Variants in GTPBP6 observed in about 807,000 individuals in gnomAD.
GTPBP6 encodes the protein GTP binding protein 6, also known as putative GTP-binding protein 6.
In GTPBP6, 33 loss-of-function variants were observed where a neutral mutation model predicts 28.9. The observed-to-expected ratio is 1.14, with a 90% CI of 0.87 to 1.53. The LOEUF is 1.53. Ranked by LOEUF, GTPBP6 falls within the 40% of genes most tolerant of loss-of-function variation. The probability of loss-of-function intolerance (pLI) is 0.00; values close to 1 mark genes in which losing one functional copy is unlikely to be tolerated. For synonymous variants in GTPBP6, 231 were observed against 192.7 expected (o/e 1.20, Z -1.65); for missense variants, 507 against 408.3 (o/e 1.24, Z -2.08).
chrX:307,338 C>T (rs774165043), intron 9 of GTPBP6, 22 bp downstream of exon 9: 2 of 1,609,936 alleles, frequency 1.2e-6, no homozygotes, highest in Non-Finnish European at 8.5e-7. Flanking sequence ...CATCCCGTCT[C>T]CTGCCCCTGC....
chrX:313,586 G>T (rs757889446), intron 5 of GTPBP6, among the ~76,000 whole-genome samples: 17 of 152,312 alleles, frequency 1.1e-4, no homozygotes, highest in African/African-American at 4.1e-4. Flanking sequence ...TAAGGTGTTT[G>T]TCATAACTGA....
At chrX:311,918 T>C in intron 6 of GTPBP6, 2 of 592,658 alleles carry the variant, frequency 3.4e-6, no homozygotes, top group East Asian at 2.8e-5. Flanking sequence ...TCTGTGTAGA[T>C]TTGGCAATGG....
rs141438343 is a variant in GTPBP6, at chrX:308,312, C to T, written c.1126-432G>A. Reference sequence around the variant, plus strand: ...AAATCTTACAGGCAGGCTCCTTACACAAAATTTGAAAAACACAGGGAAAAA... The same window carrying T: ...AAATCTTACAGGCAGGCTCCTTACATAAAATTTGAAAAACACAGGGAAAAA... On this transcript the variant is annotated intron_variant, in intron 7 of 9. Transcript: ENST00000326153. 6.9e-3 allele frequency among the ~76,000 whole-genome samples: 1,046 copies of T among 151,180 alleles called. 18 individuals carry two copies. The highest frequency in any genetic ancestry group is 0.024 in the African/African-American group (977 of 40,674).
chrX:318,699 G>A, exon 1 of GTPBP6: 2 of 379,984 alleles, frequency 5.3e-6, no homozygotes, highest in Non-Finnish European at 4.7e-6. Context: ...CGCGGGGCAG[G>A]ACGGCGCGGC....
In GTPBP6 at chrX:305,120, A is replaced by C. The variant is rs750286453; in HGVS notation, c.1505T>G (p.Ile502Ser). The stretch of plus-strand genomic sequence containing the variant: ...GAATTTGCCGTAGGCTGAGTTGCTG[A>C]TGATGACCCTCACGTCGGCCGCCCC... Residue 502 changes from isoleucine to serine, a missense_variant, in exon 10 of 10, where the codon ATC (isoleucine) becomes AGC (serine). By Grantham distance (142) the Ile-to-Ser change is moderately radical. Coordinates refer to ENST00000326153, the Ensembl canonical transcript of GTPBP6. The C allele has an allele frequency of 2.5e-6, 4 of 1,613,408 alleles. No individual in the cohort carries two copies. In the African/African-American group the frequency reaches 5.3e-5, roughly 22 times the overall value.
intron 1 of GTPBP6, among the ~76,000 whole-genome samples, chrX:317,696 A>ACCCCACCCCAC (rs2070463940): frequency 1.6e-4 from 1 of 6,400 alleles, no homozygotes; most frequent in African/African-American, 7.0e-4. Flanking sequence ...GGCCCACCCA[A>ACCCCACCCCAC]CCCCACCCCA....
intron 7 of GTPBP6, among the ~76,000 whole-genome samples, 169 bp downstream of exon 7, chrX:311,250 C>T (rs746700441): frequency 0.031 from 3,113 of 100,020 alleles, 276 homozygotes; most frequent in African/African-American, 0.11. Flanking sequence ...TCCCCGTGCC[C>T]AGTGGGTGTC....
At position 305,213 on chromosome X, in the gene GTPBP6, C is replaced by T. The variant is rs776654542; in HGVS notation, c.1428-16G>A. On this transcript the variant is annotated splice_polypyrimidine_tract_variant and intron_variant, in intron 9 of 9. Coordinates refer to ENST00000326153, the Ensembl canonical transcript of GTPBP6. ...ATACAGCCAGCTGGGCACAGATGCGCGTTGTATGGAGACAAGCAGAACCCG... is the reference window on the plus strand; with the variant it reads ...ATACAGCCAGCTGGGCACAGATGCGTGTTGTATGGAGACAAGCAGAACCCG... The T allele has an allele frequency of 9.4e-6, 15 of 1,597,054 alleles. No individual in the cohort carries two copies. The highest frequency in any genetic ancestry group is 5.4e-5 in the African/African-American group (4 of 74,484).
chrX:305,283 G>A (rs2070132652), intron 9 of GTPBP6, 86 bp from the exon 10 acceptor site: 3 of 1,071,162 alleles, frequency 2.8e-6, no homozygotes, highest in Non-Finnish European at 4.3e-6. Context: ...GCTAAAAAGA[G>A]CTTAGCTCAA....
At chrX:305,636 T>A (rs2070145550) in intron 9 of GTPBP6, among the ~76,000 whole-genome samples, 1 of 148,380 alleles carries the variant, frequency 6.7e-6, no homozygotes, top group East Asian at 2.0e-4. Flanking sequence ...TTTTTTATTT[T>A]TTTTTTTGAG....
At chrX:304,796 C>T in exon 10 of GTPBP6, 1 of 1,349,834 alleles carries the variant, frequency 7.4e-7, no homozygotes. Context: ...CGGAAACATT[C>T]CGAGGGAAAG....
At chrX:317,150 C>T (rs1330463648) in intron 1 of GTPBP6, 99 bp from the exon 2 acceptor site, 66 of 398,338 alleles carry the variant, frequency 1.7e-4, no homozygotes, top group African/African-American at 1.3e-3. Context: ...GACAATCTCC[C>T]CGGAGAAGGC....
intron 7 of GTPBP6, among the ~76,000 whole-genome samples, chrX:311,084 G>T (rs1275062529): frequency 6.6e-6 from 1 of 151,962 alleles, no homozygotes; most frequent in Non-Finnish European, 1.5e-5. Context: ...CTGAGTGTCG[G>T]TGAGGCTGGG....
intron 7 of GTPBP6, among the ~76,000 whole-genome samples, chrX:310,790 C>T (rs1355473173): frequency 1.3e-5 from 2 of 152,058 alleles, no homozygotes; most frequent in African/African-American, 4.8e-5. Context: ...GAGCTGGTTC[C>T]TGTGGTTTCT....
chrX:316,055 G>C (rs1195785347), intron 2 of GTPBP6, among the ~76,000 whole-genome samples: 6 of 17,714 alleles, frequency 3.4e-4, no homozygotes, highest in Non-Finnish European at 4.1e-4. Flanking sequence ...CACACACACA[G>C]ACACATACAC....
At chrX:308,689 A>G (rs2070223197) in intron 7 of GTPBP6, among the ~76,000 whole-genome samples, 1 of 152,010 alleles carries the variant, frequency 6.6e-6, no homozygotes, top group South Asian at 2.1e-4. Context: ...CTAAAGAAGA[A>G]AAGTAAAAAC....
chrX:306,179 A>G (rs60212869), intron 9 of GTPBP6, among the ~76,000 whole-genome samples: 14,636 of 152,036 alleles, frequency 0.096, 2,031 homozygotes, highest in African/African-American at 0.31. Flanking sequence ...CAGATTAGGC[A>G]CCTGTTGTAT....
At chrX:307,869 C>A (rs761690104) in exon 8 of GTPBP6, 9 of 1,531,158 alleles carry the variant, frequency 5.9e-6, no homozygotes, top group Admixed American at 2.2e-5. Context: ...CCCTCACGTG[C>A]AAGATGAGAT....
At chrX:314,504 G>A (rs902258237) in intron 4 of GTPBP6, among the ~76,000 whole-genome samples, 9 of 150,076 alleles carry the variant, frequency 6.0e-5, no homozygotes, top group South Asian at 2.1e-4. Flanking sequence ...ACGGAGTCTC[G>A]CTCTGTCACC....
Sources: gnomAD v4.1 joint callset for allele counts (sites outside exome capture counted in the v4.1 genomes callset) on GRCh38, gnomAD v4.1.1 for gene constraint, MANE v1.5 for transcripts, NCBI Gene and HGNC (gene_info 2026-07-23, HGNC 2026-07-21) for gene names.